The following ZRANB3 variants were observed in gnomAD, a reference collection of about 807,000 sequenced individuals.
The protein encoded by ZRANB3 is DNA annealing helicase and endonuclease ZRANB3.
A neutral mutation model predicts 133.8 loss-of-function variants in ZRANB3; 125 were observed. The observed-to-expected ratio is 0.93, with a 90% CI of 0.81 to 1.08. The LOEUF is 1.08. Among genes scored for constraint, ZRANB3 ranks in the 50% least tolerant of loss-of-function variants. The pLI is 0.00. For synonymous variants in ZRANB3, 387 were observed against 432.7 expected (o/e 0.89, Z 1.31); for missense variants, 1,229 against 1,275.5 (o/e 0.96, Z 0.56).
chr2:135,525,820 C>T (rs1414749270), intron 1 of ZRANB3, among the ~76,000 whole-genome samples: 1 of 148,464 alleles, frequency 6.7e-6, no homozygotes, highest in African/African-American at 2.5e-5. Flanking sequence ...TGCACTCTGG[C>T]CTGGGCAACA....
chr2:135,313,631 T>G (rs1025513370), intron 7 of ZRANB3, 26 bp from the exon 8 acceptor site: 3 of 1,439,860 alleles, frequency 2.1e-6, no homozygotes, highest in Non-Finnish European at 2.9e-6. Context: ...TAACACTGTT[T>G]ATGAATATAG....
rs75646543 is a variant in ZRANB3, at chr2:135,507,467, T to C, written c.-7-2971A>G. Reference sequence around the variant, plus strand: ...AAAACTCAAAGGAGCAGAGATTAAGTAAAATTCCTTCTGGCAAGGCTAACA... The same window carrying C: ...AAAACTCAAAGGAGCAGAGATTAAGCAAAATTCCTTCTGGCAAGGCTAACA... On this transcript the variant is annotated intron_variant, in intron 1 of 20. Coordinates refer to ENST00000264159, the MANE Select transcript of ZRANB3 (RefSeq NM_032143.4). Among the ~76,000 whole-genome samples the C allele has an allele frequency of 2.0e-3, 306 of 152,318 alleles. 2 individuals carry two copies. The highest frequency in any genetic ancestry group is 7.0e-3 in the African/African-American group (289 of 41,570).
intron 8 of ZRANB3, among the ~76,000 whole-genome samples, chr2:135,294,042 T>C (rs1054799315): frequency 6.6e-6 from 1 of 152,208 alleles, no homozygotes; most frequent in Admixed American, 6.5e-5. Context: ...ATCAAGCATA[T>C]TGGTTTAAAA....
rs1681017266 is a variant in ZRANB3 at position 135,279,917 on chromosome 2, G to C, written c.967-4162C>G. Among the ~76,000 whole-genome samples the C allele has an allele frequency of 2.0e-5, 3 of 152,012 alleles. No individual in the cohort carries two copies. The South Asian group carries it at 6.2e-4, about 32-fold the overall frequency. On this transcript the variant is annotated intron_variant, in intron 8 of 20. Coordinates refer to ENST00000264159, the MANE Select transcript of ZRANB3 (RefSeq NM_032143.4). ...ATCAAAAGTAACAAATGAACTTTTG[G>C]GATTCTCTTAGGTTCTTAAGATGGG... is the stretch of plus-strand genomic sequence containing the variant.
intron 2 of ZRANB3, among the ~76,000 whole-genome samples, chr2:135,418,421 C>T (rs1435094704): frequency 6.6e-6 from 1 of 152,116 alleles, no homozygotes; most frequent in East Asian, 1.9e-4. Context: ...GAATAAGAAT[C>T]ACAGACTCAA....
At chr2:135,285,877 ATTTG>A (rs994423999) in intron 8 of ZRANB3, among the ~76,000 whole-genome samples, 2 of 152,200 alleles carry the variant, frequency 1.3e-5, no homozygotes, top group African/African-American at 4.8e-5. Context: ...AATCTGAAGA[ATTTG>A]TTTATTTTCA....
chr2:135,390,668 C>T (rs1687184721), intron 3 of ZRANB3, 134 bp downstream of exon 3: 2 of 1,313,350 alleles, frequency 1.5e-6, no homozygotes, highest in Admixed American at 5.5e-5. Context: ...TCCTCACCCT[C>T]CCATCTTTCT....
At chr2:135,431,383 A>T (rs1209731558) in intron 2 of ZRANB3, among the ~76,000 whole-genome samples, 1 of 151,146 alleles carries the variant, frequency 6.6e-6, no homozygotes, top group East Asian at 1.9e-4. Context: ...TATATAATTT[A>T]TGTATTTACA....
chr2:135,200,257 G>T lies in ZRANB3; in HGVS notation c.*85C>A. 1.8e-6 allele frequency: 2 copies of T among 1,127,680 alleles called. No individual in the cohort carries two copies. Among genetic ancestry groups the T allele is most frequent in the Non-Finnish European group, 2.6e-6 (2 of 780,828 alleles). The allele number at this position is 1,127,680 out of a possible 1,614,324, so 69.9% of individuals were successfully genotyped here. On this transcript the variant is annotated 3_prime_UTR_variant, in exon 21 of 21. Coordinates refer to ENST00000264159, the MANE Select transcript of ZRANB3 (RefSeq NM_032143.4). ...TTTTGTTCTGAAAATTTTTACTCTC[G>T]ATATATTAAACAAACATGGAAAACT...
At chr2:135,261,369 T>C (rs1412849385) in intron 12 of ZRANB3, among the ~76,000 whole-genome samples, 2 of 152,002 alleles carry the variant, frequency 1.3e-5, no homozygotes, top group Non-Finnish European at 2.9e-5. Flanking sequence ...ATAGACAGAG[T>C]GGTGAGAGGG....
intron 17 of ZRANB3, among the ~76,000 whole-genome samples, chr2:135,210,986 G>A (rs1009086144): frequency 2.6e-5 from 4 of 151,898 alleles, no homozygotes; most frequent in South Asian, 2.1e-4. Flanking sequence ...CTGAGATTGC[G>A]CCACTGCACT....
intron 2 of ZRANB3, among the ~76,000 whole-genome samples, chr2:135,472,326 C>T (rs1691304177): frequency 6.6e-6 from 1 of 151,994 alleles, no homozygotes; most frequent in Non-Finnish European, 1.5e-5. Context: ...CGGTGAAACC[C>T]TGTCTCTACT....
At chr2:135,368,214 C>T (rs2104895689) in intron 3 of ZRANB3, among the ~76,000 whole-genome samples, 1 of 151,682 alleles carries the variant, frequency 6.6e-6, no homozygotes, top group East Asian at 1.9e-4. Context: ...AAATGCAATA[C>T]ATAATGAACT....
At chr2:135,242,524 A>G (rs1383184325) in intron 12 of ZRANB3, among the ~76,000 whole-genome samples, 1 of 151,988 alleles carries the variant, frequency 6.6e-6, no homozygotes, top group Admixed American at 6.6e-5. Flanking sequence ...CCTAGGGCAC[A>G]AGCAATCCTC....
rs1012726897 is a variant in ZRANB3, at chr2:135,339,444, T to C, written c.677+6106A>G. On this transcript the variant is annotated intron_variant, in intron 6 of 20. Coordinates refer to ENST00000264159, the MANE Select transcript of ZRANB3 (RefSeq NM_032143.4). ...AAAAAAACAAAGAATTAGCCAGACA[T>C]GGTAGTGCATCCCTGTAGTCCCAGC... Among the ~76,000 whole-genome samples, 11 of 151,208 alleles carry C rather than the reference T, an allele frequency of 7.3e-5. No homozygotes were observed. The East Asian group carries it at 2.1e-3, about 29-fold the overall frequency.
At chr2:135,315,660 AT>A in intron 6 of ZRANB3, 130 bp from the exon 7 acceptor site, 1 of 705,670 alleles carries the variant, frequency 1.4e-6, no homozygotes, top group Non-Finnish European at 2.1e-6. Flanking sequence ...CTGAATGAAT[AT>A]TAGTTTCAAA....
In ZRANB3 at chr2:135,271,856, G is replaced by T. The variant is rs901639958; in HGVS notation, c.1118C>A (p.Ser373Ter). The T allele has an allele frequency of 5.0e-6, 8 of 1,613,642 alleles. No homozygotes were observed. The highest frequency in any genetic ancestry group is 6.8e-6 in the Non-Finnish European group (8 of 1,179,762). ...TRYIRIDGSV[S>*]SSERIHLVNQ... is the part of the protein sequence containing the mutation. ...AACCAGATGTATTCTTTCTGAAGAT[G>T]AAACACTTCCATCTATCCTAATGTA... is the stretch of plus-strand genomic sequence containing the variant. Residue 373 changes from serine to a stop codon, truncating the protein, a stop_gained, in exon 10 of 21, where the codon TCA becomes TAA. Transcript: ENST00000264159. LOFTEE classifies it high-confidence loss of function.
At chr2:135,314,712 C>T (rs571403330) in intron 7 of ZRANB3, among the ~76,000 whole-genome samples, 1 of 151,982 alleles carries the variant, frequency 6.6e-6, no homozygotes. Context: ...ACACAATTTC[C>T]CTTGCTAATT....
At chr2:135,428,375 A>G (rs4954254) in intron 2 of ZRANB3, among the ~76,000 whole-genome samples, 27,645 of 149,714 alleles carry the variant, frequency 0.18, 3,400 homozygotes, top group South Asian at 0.33. Context: ...CCTGGGAGCC[A>G]AGATCGCGTC....
Sources: allele counts gnomAD v4.1 joint callset (sites outside exome capture counted in the v4.1 genomes callset), GRCh38; gene constraint gnomAD v4.1.1; transcripts MANE v1.5; gene names NCBI Gene and HGNC (gene_info 2026-07-23, HGNC 2026-07-21).